SPTBN1: variants seen among roughly 807,000 people sequenced by gnomAD.
SPTBN1 encodes the protein spectrin beta chain, non-erythrocytic 1.
Under a neutral mutation model 266.4 loss-of-function variants are expected in SPTBN1, and 32 were observed. The ratio of observed to expected loss-of-function variants is 0.12; its 90% CI spans 0.09 to 0.16. The LOEUF (loss-of-function observed/expected upper bound fraction) is 0.16. Ranked by LOEUF, SPTBN1 falls within the 10% of genes least tolerant of loss-of-function variation. SPTBN1 has a pLI of 1.00. For synonymous variants in SPTBN1, 1,336 were observed against 1,162.2 expected, an observed-to-expected ratio of 1.15 and a Z score of -3.04; for missense variants, 2,296 against 3,067.1, an observed-to-expected ratio of 0.75 and a Z score of 5.94.
chr2:54,593,451 C>CT (rs1675822202), intron 2 of SPTBN1, among the ~76,000 whole-genome samples: 1 of 152,084 alleles, frequency 6.6e-6, no homozygotes, highest in Non-Finnish European at 1.5e-5. Flanking sequence ...CCTGGACTGC[C>CT]AGAGCTGCAG....
intron 17 of SPTBN1, among the ~76,000 whole-genome samples, chr2:54,637,152 T>C (rs1450623601): frequency 6.6e-6 from 1 of 152,232 alleles, no homozygotes; most frequent in Non-Finnish European, 1.5e-5. Flanking sequence ...TTCTTTGAGC[T>C]TTAGTTACCC....
Position 54,558,456 on chromosome 2 carries a change from A to C in SPTBN1, c.148+31890A>C. The C allele has an allele frequency of 9.4e-7, 1 of 1,058,720 alleles. No individual in the cohort carries two copies. The highest frequency in any genetic ancestry group is 1.1e-6 in the Non-Finnish European group (1 of 877,148). 65.6% of individuals were successfully genotyped at this position (1,058,720 alleles called of 1,614,324 possible). ...AACCGTGGCATGCTTAGGATTGGCCATATTTAAAAGTTCTGAAGTAGAACC... is the reference window on the plus strand; with the variant it reads ...AACCGTGGCATGCTTAGGATTGGCCCTATTTAAAAGTTCTGAAGTAGAACC... On this transcript the variant is annotated intron_variant, in intron 2 of 35. Coordinates refer to ENST00000356805, the MANE Select transcript of SPTBN1 (RefSeq NM_003128.3). The surrounding 1 kb of genome is among the most constrained non-coding windows in gnomAD (Gnocchi z 4.6).
At chr2:54,594,554 T>C (rs1285979047) in intron 2 of SPTBN1, among the ~76,000 whole-genome samples, 1 of 152,170 alleles carries the variant, frequency 6.6e-6, no homozygotes, top group African/African-American at 2.4e-5. Flanking sequence ...CCGTAGATAC[T>C]GGGATTAGAT....
rs1673014593 is a variant in SPTBN1, at chr2:54,558,272, G to A, written c.148+31706G>A. On this transcript the variant is annotated intron_variant, in intron 2 of 35. Coordinates refer to ENST00000356805, the MANE Select transcript of SPTBN1 (RefSeq NM_003128.3). This position sits in a 1 kb window ranked among gnomAD's most constrained non-coding sequence, Gnocchi z 4.6. Reference sequence around the variant, plus strand: ...TAGGCTCCCCCGCGCCCCTCCTCGTGGTATAGCCTGCATTTCTAATACAAT... The same window carrying A: ...TAGGCTCCCCCGCGCCCCTCCTCGTAGTATAGCCTGCATTTCTAATACAAT... 2 of 985,268 alleles carry A rather than the reference G, an allele frequency of 2.0e-6. No individual in the cohort carries two copies. Among genetic ancestry groups the A allele is most frequent in the Middle Eastern group, 5.2e-4 (1 of 1,932 alleles). 61.0% of individuals were successfully genotyped at this position (985,268 alleles called of 1,614,324 possible).
chr2:54,579,765 C>T (rs1476734660), intron 2 of SPTBN1, among the ~76,000 whole-genome samples: 1 of 152,166 alleles, frequency 6.6e-6, no homozygotes, highest in Non-Finnish European at 1.5e-5. Flanking sequence ...TTAGCCAATG[C>T]ATTAAGACTA....
chr2:54,536,767 C>CATGCCTGT (rs2104380454), intron 2 of SPTBN1, among the ~76,000 whole-genome samples: 1 of 152,160 alleles, frequency 6.6e-6, no homozygotes, highest in East Asian at 1.9e-4. Context: ...AGCTGTGGTT[C>CATGCCTGT]ATGCCTGTTA....
intron 3 of SPTBN1, among the ~76,000 whole-genome samples, chr2:54,607,237 TAAAC>T (rs1272207544): frequency 6.6e-6 from 1 of 152,192 alleles, no homozygotes; most frequent in East Asian, 1.9e-4. Flanking sequence ...AATACAGAAA[TAAAC>T]AGTGATACAA....
intron 1 of SPTBN1, among the ~76,000 whole-genome samples, chr2:54,468,992 C>T (rs1446583330): frequency 6.6e-6 from 1 of 152,178 alleles, no homozygotes; most frequent in Non-Finnish European, 1.5e-5. Flanking sequence ...AAAGCATATA[C>T]TAGAGCTCAG....
At chr2:54,581,357 C>G (rs1310650286) in intron 2 of SPTBN1, among the ~76,000 whole-genome samples, 2 of 152,074 alleles carry the variant, frequency 1.3e-5, no homozygotes, top group Non-Finnish European at 2.9e-5. Context: ...ATTGAGGATT[C>G]TCCATAGGGT....
chr2:54,629,860 G>A, intron 14 of SPTBN1, 32 bp from the exon 15 acceptor site: 1 of 1,613,714 alleles, frequency 6.2e-7, no homozygotes, highest in Non-Finnish European at 8.5e-7. Context: ...AGTGGCCCAG[G>A]AGGTGACCAC....
chr2:54,481,429 TG>T (rs1558764017), intron 1 of SPTBN1, among the ~76,000 whole-genome samples: 77 of 94,718 alleles, frequency 8.1e-4, no homozygotes, highest in African/African-American at 3.4e-3. Flanking sequence ...TGTGTGTGTG[TG>T]TGTGTGTGTG....
In SPTBN1 at chr2:54,532,490, A is replaced by G. The variant is rs182327053; in HGVS notation, c.148+5924A>G. Among the ~76,000 whole-genome samples the G allele has an allele frequency of 2.2e-3, 337 of 152,350 alleles. 1 individual carries two copies. The highest frequency in any genetic ancestry group is 3.8e-3 in the Admixed American group (58 of 15,300). ...TATATGTAACAGACTGGCAAGATAT[A>G]TACTTATTCCTAAAGTGGAATGTGG... On this transcript the variant is annotated intron_variant, in intron 2 of 35. Transcript: ENST00000356805.
At position 54,649,265 on chromosome 2, in the gene SPTBN1, T is replaced by G; in HGVS notation, c.5202+75T>G. 1 of 1,462,082 alleles carries G rather than the reference T, an allele frequency of 6.8e-7. No homozygotes were observed. Among genetic ancestry groups the G allele is most frequent in the Non-Finnish European group, 9.3e-7 (1 of 1,079,738 alleles). The allele number at this position is 1,462,082 out of a possible 1,614,324, so 90.6% of individuals were successfully genotyped here. A position where few individuals can be genotyped will look rare whatever the true frequency, so the allele number is the denominator to read the frequency against. ...TGGAAGGCCATTTGCATTCCTTGTC[T>G]GTGAGCAGATAAAATGCCCTGGACT... On this transcript the variant is annotated intron_variant, in intron 25 of 35. Transcript: ENST00000356805. This position sits in a 1 kb window ranked among gnomAD's most constrained non-coding sequence, Gnocchi z 6.7.
At chr2:54,466,217 G>A (rs986338765) in intron 1 of SPTBN1, among the ~76,000 whole-genome samples, 5 of 152,132 alleles carry the variant, frequency 3.3e-5, no homozygotes, top group African/African-American at 1.2e-4. Context: ...AGTAAAATAT[G>A]TATTAGAACA....
intron 2 of SPTBN1, among the ~76,000 whole-genome samples, chr2:54,530,853 C>T (rs1480481443): frequency 6.6e-6 from 1 of 152,180 alleles, no homozygotes; most frequent in Non-Finnish European, 1.5e-5. Context: ...TGTCCCTTTT[C>T]TGACACCTGA....
chr2:54,620,167 G>C (rs965223214), intron 7 of SPTBN1, among the ~76,000 whole-genome samples: 1 of 152,230 alleles, frequency 6.6e-6, no homozygotes, highest in Non-Finnish European at 1.5e-5. Flanking sequence ...AGGTGGAGTG[G>C]CATAGGGGCT....
Position 54,645,667 on chromosome 2 carries a change from T to A in SPTBN1, c.4494+214T>A, listed in dbSNP as rs1243714699. 6.6e-6 allele frequency among the ~76,000 whole-genome samples: 1 copy of A among 152,162 alleles called. No individual in the cohort carries two copies. The highest frequency in any genetic ancestry group is 1.5e-5 in the Non-Finnish European group (1 of 68,026). On this transcript the variant is annotated intron_variant, in intron 21 of 35. Coordinates refer to ENST00000356805, the MANE Select transcript of SPTBN1 (RefSeq NM_003128.3). This position sits in a 1 kb window ranked among gnomAD's most constrained non-coding sequence, Gnocchi z 4.3. ...CACGTTATCTAGGGATACTGTAGGA[T>A]TTTAATGGCCCTAAAACAGACTTTT...
intron 18 of SPTBN1, among the ~76,000 whole-genome samples, chr2:54,642,184 G>A (rs1679616566): frequency 6.6e-6 from 1 of 152,218 alleles, no homozygotes; most frequent in South Asian, 2.1e-4. Context: ...GATTCGGGAT[G>A]GAAGCCAGCA....
chr2:54,492,534 A>C (rs1668747543), intron 1 of SPTBN1, among the ~76,000 whole-genome samples: 1 of 152,084 alleles, frequency 6.6e-6, no homozygotes, highest in African/African-American at 2.4e-5. Context: ...TGGTGGACCT[A>C]CTGCCCTTTG....
Sources: allele counts gnomAD v4.1 joint callset (sites outside exome capture counted in the v4.1 genomes callset), GRCh38; gene constraint gnomAD v4.1.1; non-coding constraint Gnocchi (gnomAD v3.1); transcripts MANE v1.5; gene names NCBI Gene and HGNC (gene_info 2026-07-23, HGNC 2026-07-21).